Variants in MIPOL1 observed in about 807,000 individuals in gnomAD.
The protein encoded by MIPOL1 is mirror-image polydactyly gene 1 protein.
Under a neutral mutation model 60.9 loss-of-function variants are expected in MIPOL1, and 57 were observed. The ratio of observed to expected loss-of-function variants is 0.94; its 90% CI spans 0.76 to 1.17. The LOEUF (loss-of-function observed/expected upper bound fraction) is 1.17, where lower values mean the gene tolerates loss of function less well. Ranked by LOEUF, MIPOL1 falls within the 50% of genes most tolerant of loss-of-function variation. MIPOL1 has a pLI of 0.00. For synonymous variants in MIPOL1, 179 were observed against 168.8 expected (o/e 1.06, Z -0.47); for missense variants, 551 against 511.6 (o/e 1.08, Z -0.74).
At chr14:37,390,528 G>A (rs2093208837) in intron 10 of MIPOL1, among the ~76,000 whole-genome samples, 1 of 151,830 alleles carries the variant, frequency 6.6e-6, no homozygotes, top group South Asian at 2.1e-4. Context: ...TAGCTATAAT[G>A]AAAATATTCA....
rs1187192757 is a variant in MIPOL1 at position 37,547,578 on chromosome 14, TTCA to T, written c.*611_*613del. 1 of 152,610 alleles carries T rather than the reference TTCA, an allele frequency of 6.6e-6. No homozygotes were observed. The highest frequency in any genetic ancestry group is 1.9e-4 in the East Asian group (1 of 5,200). 9.5% of individuals were successfully genotyped at this position (152,610 alleles called of 1,614,324 possible). ...AAGAGATGGATATATTAAAATTACA[TTCA>T]TCAAGGCATGATTTTTGTTTCACTA... On this transcript the variant is annotated 3_prime_UTR_variant, in exon 13 of 13. Transcript: ENST00000684589.
chr14:37,470,770 C>A (rs2094676322), intron 11 of MIPOL1, among the ~76,000 whole-genome samples: 1 of 151,944 alleles, frequency 6.6e-6, no homozygotes, highest in South Asian at 2.1e-4. Context: ...GGACGAGAAG[C>A]CCCCAAAGAA....
At position 37,461,001 on chromosome 14, in the gene MIPOL1, T is replaced by A. The variant is rs191294554; in HGVS notation, c.1031+38052T>A. ...CATATTTCACAGAATTAGAAAAAAA[T>A]ACTCCTAAAATTCACTTGCAACCAA... On this transcript the variant is annotated intron_variant, in intron 11 of 12. Coordinates refer to ENST00000684589, the MANE Select transcript of MIPOL1 (RefSeq NM_001388067.1). Among the ~76,000 whole-genome samples, 961 of 152,016 alleles carry A rather than the reference T, an allele frequency of 6.3e-3. 8 individuals carry two copies. Among genetic ancestry groups the A allele is most frequent in the African/African-American group, 0.02 (836 of 41,456 alleles).
chr14:37,325,476 C>T (rs1184905793), intron 9 of MIPOL1, among the ~76,000 whole-genome samples: 2 of 150,942 alleles, frequency 1.3e-5, no homozygotes, highest in East Asian at 3.9e-4. Context: ...TATTTCTTTT[C>T]TTTCCTTCTT....
chr14:37,223,781 G>A (rs1051970364), intron 1 of MIPOL1, among the ~76,000 whole-genome samples: 31 of 152,140 alleles, frequency 2.0e-4, no homozygotes, highest in Admixed American at 4.6e-4. Flanking sequence ...GATTACAGGC[G>A]TGAGCCGCCC....
At chr14:37,428,826 A>T (rs1306857556) in intron 11 of MIPOL1, among the ~76,000 whole-genome samples, 1 of 152,074 alleles carries the variant, frequency 6.6e-6, no homozygotes, top group Admixed American at 6.5e-5. Context: ...GTGCTAAGAA[A>T]ATGAAGTGTT....
intron 10 of MIPOL1, among the ~76,000 whole-genome samples, chr14:37,391,627 C>A (rs914149483): frequency 2.0e-5 from 3 of 152,096 alleles, no homozygotes; most frequent in East Asian, 3.9e-4. Flanking sequence ...ATCTCTTGAC[C>A]TCATGATCCA....
chr14:37,247,032 C>T (rs980472342), intron 1 of MIPOL1, 71 bp from the exon 2 acceptor site: 1 of 152,332 alleles, frequency 6.6e-6, no homozygotes, highest in African/African-American at 2.4e-5. Flanking sequence ...CCTTTTTGGG[C>T]AATATGTAGG....
chr14:37,332,942 G>A lies in MIPOL1; in HGVS notation c.828+24423G>A, dbSNP rs929818165. On this transcript the variant is annotated intron_variant, in intron 9 of 12. Coordinates refer to ENST00000684589, the MANE Select transcript of MIPOL1 (RefSeq NM_001388067.1). Reference sequence around the variant, plus strand: ...TGAACTGCTGTTGTGGAGATGAGTAGCATCCCACAGTGTTTTAAGGAGATA... The same window carrying A: ...TGAACTGCTGTTGTGGAGATGAGTAACATCCCACAGTGTTTTAAGGAGATA... Among the ~76,000 whole-genome samples the A allele has an allele frequency of 2.6e-5, 4 of 152,238 alleles. No individual in the cohort carries two copies. In the East Asian group the frequency reaches 7.7e-4, roughly 29 times the overall value.
At chr14:37,370,561 A>T (rs1392089786) in intron 10 of MIPOL1, among the ~76,000 whole-genome samples, 3 of 152,180 alleles carry the variant, frequency 2.0e-5, no homozygotes, top group Non-Finnish European at 4.4e-5. Flanking sequence ...AGCTGGAATC[A>T]TGTACCAAAA....
chr14:37,492,750 C>G (rs2095063347), intron 11 of MIPOL1, among the ~76,000 whole-genome samples: 1 of 152,048 alleles, frequency 6.6e-6, no homozygotes, highest in Non-Finnish European at 1.5e-5. Flanking sequence ...TCATCTACAC[C>G]AGTTTCAGCA....
chr14:37,466,778 T>C (rs1456393661), intron 11 of MIPOL1, among the ~76,000 whole-genome samples: 2 of 152,216 alleles, frequency 1.3e-5, no homozygotes, highest in Non-Finnish European at 1.5e-5. Flanking sequence ...AGGCAATCTT[T>C]CCTAGCAACT....
chr14:37,435,420 A>T (rs2094148661), intron 11 of MIPOL1, among the ~76,000 whole-genome samples: 1 of 152,114 alleles, frequency 6.6e-6, no homozygotes. Context: ...CTCTTACTAC[A>T]TCACTCTATT....
At chr14:37,398,507 T>A (rs1315060734) in intron 10 of MIPOL1, among the ~76,000 whole-genome samples, 1 of 152,166 alleles carries the variant, frequency 6.6e-6, no homozygotes, top group East Asian at 1.9e-4. Context: ...GCCATGATGA[T>A]CTCTCTTCCC....
At chr14:37,533,227 C>T (rs906055938) in intron 12 of MIPOL1, among the ~76,000 whole-genome samples, 12 of 152,090 alleles carry the variant, frequency 7.9e-5, no homozygotes, top group African/African-American at 2.7e-4. Flanking sequence ...AGCCCAATAA[C>T]ATGCAGTTTT....
chr14:37,346,783 G>C (rs1358289561), intron 9 of MIPOL1, among the ~76,000 whole-genome samples: 3 of 152,068 alleles, frequency 2.0e-5, no homozygotes, highest in Non-Finnish European at 4.4e-5. Flanking sequence ...CTTGAATATA[G>C]CCAGACCATA....
chr14:37,398,072 G>GC (rs1315973683), intron 10 of MIPOL1, among the ~76,000 whole-genome samples: 1 of 152,004 alleles, frequency 6.6e-6, no homozygotes, highest in Admixed American at 6.6e-5. Context: ...GCCTTTGGCC[G>GC]CCCTCTCGTT....
intron 3 of MIPOL1, among the ~76,000 whole-genome samples, chr14:37,253,060 C>T (rs1052319024): frequency 1.1e-4 from 16 of 151,634 alleles, no homozygotes; most frequent in African/African-American, 3.9e-4. Context: ...TATTAAATTA[C>T]AGGACTTAAA....
intron 7 of MIPOL1, among the ~76,000 whole-genome samples, chr14:37,292,087 G>A (rs548782689): frequency 3.3e-5 from 5 of 151,606 alleles, no homozygotes; most frequent in East Asian, 1.9e-4. Context: ...CACCATGCCC[G>A]GCTTATTTTT....
Sources: allele counts gnomAD v4.1 joint callset (sites outside exome capture counted in the v4.1 genomes callset), GRCh38; gene constraint gnomAD v4.1.1; transcripts MANE v1.5; gene names NCBI Gene and HGNC (gene_info 2026-07-23, HGNC 2026-07-21).